The following ABRA variants were observed in gnomAD, a reference collection of about 807,000 sequenced individuals.
ABRA encodes the protein actin-binding Rho-activating protein.
A neutral mutation model predicts 33.4 loss-of-function variants in ABRA; 25 were observed. The ratio of observed to expected loss-of-function variants is 0.75; its 90% CI spans 0.55 to 1.04. The LOEUF (loss-of-function observed/expected upper bound fraction) is 1.04, where lower values mean the gene tolerates loss of function less well. ABRA is among the 50% of genes least tolerant of loss of function. The probability of loss-of-function intolerance (pLI) is 0.00; values close to 1 mark genes in which losing one functional copy is unlikely to be tolerated. For synonymous variants in ABRA, 193 were observed against 176.8 expected (o/e 1.09, Z -0.73); for missense variants, 501 against 491.7 (o/e 1.02, Z -0.18).
rs758965041 is a variant in ABRA, at chr8:106,761,481, T to C, written c.702A>G (p.Lys234=). ...CCACTGGGCTATATTTCTGTTGGGC[T>C]TTGCAGTTGAGTTTCTCTGTAAATC... ...VNRFTEKLNC[K]AQQKYSPVGN... Residue 234 remains lysine (K), a synonymous_variant, in exon 2 of 2, where the codon AAA becomes AAG. Coordinates refer to ENST00000311955, the MANE Select transcript of ABRA (RefSeq NM_139166.5). The C allele has an allele frequency of 8.7e-6, 14 of 1,613,888 alleles. No homozygotes were observed. Among genetic ancestry groups the C allele is most frequent in the Non-Finnish European group, 1.2e-5 (14 of 1,179,968 alleles).
chr8:106,768,874 TG>T (rs1810546368), intron 1 of ABRA, among the ~76,000 whole-genome samples: 1 of 152,160 alleles, frequency 6.6e-6, no homozygotes, highest in African/African-American at 2.4e-5. Context: ...TGGCCTCAAG[TG>T]ATCCGCCCTC....
At chr8:106,765,961 T>A (rs1449334463) in intron 1 of ABRA, among the ~76,000 whole-genome samples, 1 of 152,184 alleles carries the variant, frequency 6.6e-6, no homozygotes, top group Non-Finnish European at 1.5e-5. Context: ...AGAACACAAG[T>A]GCTGGCATCA....
rs1810579748 is a variant in ABRA, at chr8:106,769,874, T to C, written c.317A>G (p.Lys106Arg). ...GACCACCGTTTTGGACACCTCTTTC[T>C]TTTTGATGTGAGAAACCTCAGGGGC... ...EKAPEVSHIK[K>R]KEVSKTVVSK... Residue 106 changes from lysine to arginine, a missense_variant, in exon 1 of 2, where the codon AAG becomes AGG. Transcript: ENST00000311955. 1 of 1,614,152 alleles carries C rather than the reference T, an allele frequency of 6.2e-7. No individual in the cohort carries two copies. Among genetic ancestry groups the C allele is most frequent in the Non-Finnish European group, 8.5e-7 (1 of 1,180,030 alleles).
At position 106,770,014 on chromosome 8, in the gene ABRA, T is replaced by C; in HGVS notation, c.177A>G (p.Ser59=). Reference sequence around the variant, plus strand: ...GTGTGATTGGTTTAGGAGCTTGAGGTGAGTCCTGGGTCCCTCCCGGCAGCC... The same window carrying C: ...GTGTGATTGGTTTAGGAGCTTGAGGCGAGTCCTGGGTCCCTCCCGGCAGCC... ...TGWLPGGTQD[S]PQAPKPITPP... is the part of the protein sequence containing the mutation. Residue 59 remains serine (S), a synonymous_variant, in exon 1 of 2, where the codon TCA becomes TCG. Transcript: ENST00000311955. 3 of 1,613,846 alleles carry C rather than the reference T, an allele frequency of 1.9e-6. No individual in the cohort carries two copies. Among genetic ancestry groups the C allele is most frequent in the Non-Finnish European group, 2.5e-6 (3 of 1,179,938 alleles).
chr8:106,764,307 A>T (rs771961285), intron 1 of ABRA, among the ~76,000 whole-genome samples: 1 of 152,166 alleles, frequency 6.6e-6, no homozygotes, highest in South Asian at 2.1e-4. Context: ...AAATGTTGAA[A>T]CTTAGTGTCA....
chr8:106,762,911 A>C (rs1008097833), intron 1 of ABRA, among the ~76,000 whole-genome samples: 35 of 152,154 alleles, frequency 2.3e-4, no homozygotes, highest in Non-Finnish European at 3.8e-4. Flanking sequence ...CTCTTGAACT[A>C]TCTAAAAGAG....
chr8:106,765,076 T>C (rs1430656674), intron 1 of ABRA, among the ~76,000 whole-genome samples: 2 of 152,172 alleles, frequency 1.3e-5, no homozygotes, highest in East Asian at 3.9e-4. Context: ...TTTAGAAAGA[T>C]AACCTAGCGT....
At chr8:106,765,423 A>G (rs1244074523) in intron 1 of ABRA, among the ~76,000 whole-genome samples, 2 of 152,164 alleles carry the variant, frequency 1.3e-5, no homozygotes, top group Admixed American at 1.3e-4. Context: ...AACTCCATAG[A>G]TCTTCCTGTA....
In ABRA at chr8:106,760,000, C is replaced by A. The variant is rs543587854; in HGVS notation, c.*1037G>T. On this transcript the variant is annotated 3_prime_UTR_variant, in exon 2 of 2. Transcript: ENST00000311955. ...TTGTTACAGTATGAGGAACATTAAA[C>A]TGTCTCAAATCTGTTTTTAATTCAC... The A allele has an allele frequency of 2.6e-5, 4 of 152,268 alleles. No individual in the cohort carries two copies. The highest frequency in any genetic ancestry group is 9.6e-5 in the African/African-American group (4 of 41,558). The allele number at this position is 152,268 out of a possible 1,614,324, so 9.4% of individuals were successfully genotyped here. A position where few individuals can be genotyped will look rare whatever the true frequency, so the allele number is the denominator to read the frequency against.
At position 106,760,545 on chromosome 8, in the gene ABRA, A is replaced by C. The variant is rs1190007234; in HGVS notation, c.*492T>G. Reference sequence around the variant, plus strand: ...AGACACATTATTATATGTTCTACTGATATTTATCTCAAGTCAGCATTCTTC... The same window carrying C: ...AGACACATTATTATATGTTCTACTGCTATTTATCTCAAGTCAGCATTCTTC... On this transcript the variant is annotated 3_prime_UTR_variant, in exon 2 of 2. Transcript: ENST00000311955. 1 of 148,908 alleles carries C rather than the reference A, an allele frequency of 6.7e-6. No homozygotes were observed. The highest frequency in any genetic ancestry group is 1.5e-5 in the Non-Finnish European group (1 of 67,756). The allele number at this position is 148,908 out of a possible 1,614,324, so 9.2% of individuals were successfully genotyped here.
chr8:106,760,220 C>T lies in ABRA; in HGVS notation c.*817G>A, dbSNP rs1349844986. 1 of 152,186 alleles carries T rather than the reference C, an allele frequency of 6.6e-6. No individual in the cohort carries two copies. Among genetic ancestry groups the T allele is most frequent in the Non-Finnish European group, 1.5e-5 (1 of 68,038 alleles). The allele number at this position is 152,186 out of a possible 1,614,324, so 9.4% of individuals were successfully genotyped here. On this transcript the variant is annotated 3_prime_UTR_variant, in exon 2 of 2. Transcript: ENST00000311955. Reference sequence around the variant, plus strand: ...AAGGCAAGTAAATCTGAATCTCTCACCTCTGCTCTACTTTTAGTGAGGGTG... The same window carrying T: ...AAGGCAAGTAAATCTGAATCTCTCATCTCTGCTCTACTTTTAGTGAGGGTG...
chr8:106,761,654 T>A (rs1051336855), intron 1 of ABRA, 140 bp from the exon 2 acceptor site: 15 of 730,062 alleles, frequency 2.1e-5, no homozygotes, highest in East Asian at 1.4e-4. Flanking sequence ...ATATAAAAAA[T>A]TAGAAATGAA....
Position 106,759,841 on chromosome 8 carries a change from TTCCA to T in ABRA, c.*1192_*1195del, listed in dbSNP as rs1836110969. 6.6e-6 allele frequency: 1 copy of T among 152,238 alleles called. No individual in the cohort carries two copies. The highest frequency in any genetic ancestry group is 2.1e-4 in the South Asian group (1 of 4,832). The allele number at this position is 152,238 out of a possible 1,614,324, so 9.4% of individuals were successfully genotyped here. On this transcript the variant is annotated 3_prime_UTR_variant, in exon 2 of 2. Coordinates refer to ENST00000311955, the MANE Select transcript of ABRA (RefSeq NM_139166.5). ...GTAAGAATTGCAATCTCACATTCCA[TTCCA>T]TTTGTTTTTAAGATCACATAGGCAC...
At position 106,770,065 on chromosome 8, in the gene ABRA, G is replaced by A. The variant is rs1810583891; in HGVS notation, c.126C>T (p.Ile42=). 2 of 1,613,970 alleles carry A rather than the reference G, an allele frequency of 1.2e-6. No homozygotes were observed. Among genetic ancestry groups the A allele is most frequent in the Admixed American group, 1.7e-5 (1 of 59,996 alleles). The change falls in exon 1 of 2, where the codon ATC becomes ATT. Residue 42 remains isoleucine (I), a synonymous_variant. Coordinates refer to ENST00000311955, the MANE Select transcript of ABRA (RefSeq NM_139166.5). ...GWQQWANENS[I]RQAQEPTGWL... The stretch of plus-strand genomic sequence containing the variant: ...AGCCTGTAGGCTCCTGGGCCTGCCT[G>A]ATGCTGTTCTCATTCGCCCACTGCT...
At chr8:106,767,376 T>A (rs1836238105) in intron 1 of ABRA, among the ~76,000 whole-genome samples, 1 of 152,160 alleles carries the variant, frequency 6.6e-6, no homozygotes, top group African/African-American at 2.4e-5. Context: ...AGCACACATG[T>A]CCCAAGATCC....
At chr8:106,769,382 T>C (rs977029761) in intron 1 of ABRA, 141 bp downstream of exon 1, 34 of 1,189,862 alleles carry the variant, frequency 2.9e-5, no homozygotes, top group Non-Finnish European at 3.5e-5. Context: ...ACATCCCTCC[T>C]CTACAGTACT....
intron 1 of ABRA, among the ~76,000 whole-genome samples, chr8:106,769,303 G>C (rs1400849836): frequency 1.3e-5 from 2 of 152,158 alleles, no homozygotes; most frequent in Non-Finnish European, 2.9e-5. Context: ...ACAAAAACGA[G>C]AAACAAAATA....
Position 106,760,802 on chromosome 8 carries a change from A to G in ABRA, c.*235T>C. Reference sequence around the variant, plus strand: ...AAAAACACCCTGTGGAATTTCAACTATTAATACTATTATTATACATTAACA... The same window carrying G: ...AAAAACACCCTGTGGAATTTCAACTGTTAATACTATTATTATACATTAACA... On this transcript the variant is annotated 3_prime_UTR_variant, in exon 2 of 2. Transcript: ENST00000311955. 2.0e-6 allele frequency: 1 copy of G among 504,174 alleles called. No homozygotes were observed. The highest frequency in any genetic ancestry group is 3.5e-6 in the Non-Finnish European group (1 of 286,208). 31.2% of individuals were successfully genotyped at this position (504,174 alleles called of 1,614,324 possible). A position where few individuals can be genotyped will look rare whatever the true frequency, so the allele number is the denominator to read the frequency against.
intron 1 of ABRA, among the ~76,000 whole-genome samples, chr8:106,763,620 G>A (rs540644965): frequency 6.6e-6 from 1 of 152,242 alleles, no homozygotes; most frequent in South Asian, 2.1e-4. Context: ...TGTCCCTTGT[G>A]AGCCATGCTA....
Sources: gnomAD v4.1 joint callset for allele counts (sites outside exome capture counted in the v4.1 genomes callset) on GRCh38, gnomAD v4.1.1 for gene constraint, MANE v1.5 for transcripts, NCBI Gene and HGNC (gene_info 2026-07-23, HGNC 2026-07-21) for gene names.